Variants in STXBP5L observed in about 807,000 individuals in gnomAD.
The protein encoded by STXBP5L is syntaxin-binding protein 5-like.
In STXBP5L, 65 loss-of-function variants were observed where a neutral mutation model predicts 144.5. That is an observed-to-expected ratio of 0.45 (90% confidence interval 0.37 to 0.55). The LOEUF is 0.55. STXBP5L is among the 20% of genes least tolerant of loss of function. The probability of loss-of-function intolerance (pLI) is 0.00; values close to 1 mark genes in which losing one functional copy is unlikely to be tolerated. For synonymous variants in STXBP5L, 505 were observed against 469.6 expected, an observed-to-expected ratio of 1.08 and a Z score of -0.97; for missense variants, 1,298 against 1,405.5, an observed-to-expected ratio of 0.92 and a Z score of 1.22.
chr3:121,253,659 GCT>G (rs1206123565), intron 15 of STXBP5L, among the ~76,000 whole-genome samples: 3 of 142,708 alleles, frequency 2.1e-5, no homozygotes, highest in African/African-American at 7.5e-5. Context: ...ACGGAGTCTC[GCT>G]CTGTCTGCCC....
intron 6 of STXBP5L, among the ~76,000 whole-genome samples, chr3:121,117,232 ATG>A (rs2044270668): frequency 3.3e-5 from 2 of 59,950 alleles, no homozygotes; most frequent in Non-Finnish European, 8.1e-5. Flanking sequence ...TAATATACAC[ATG>A]ATTCAGCATT....
At chr3:121,128,625 T>A (rs1216071798) in intron 7 of STXBP5L, among the ~76,000 whole-genome samples, 1 of 152,074 alleles carries the variant, frequency 6.6e-6, no homozygotes, top group Admixed American at 6.6e-5. Flanking sequence ...CATCTGGCAA[T>A]ATGGGCTTAA....
intron 19 of STXBP5L, among the ~76,000 whole-genome samples, chr3:121,295,671 T>C (rs142235119): frequency 2.6e-5 from 4 of 152,262 alleles, no homozygotes; most frequent in Admixed American, 1.3e-4. Flanking sequence ...AGGAATAACA[T>C]TGTACCCCAG....
At position 121,294,034 on chromosome 3, in the gene STXBP5L, G is replaced by A. The variant is rs141585833; in HGVS notation, c.2110+14078G>A. Among the ~76,000 whole-genome samples the A allele has an allele frequency of 9.8e-5, 15 of 152,322 alleles. No homozygotes were observed. In the East Asian group the frequency reaches 2.9e-3, roughly 29 times the overall value. On this transcript the variant is annotated intron_variant, in intron 19 of 26. Coordinates refer to ENST00000471454, the MANE Select transcript of STXBP5L (RefSeq NM_001308330.2). Reference sequence around the variant, plus strand: ...GGACAAGATCATAAAAGCTTCTGAAGTAATTACAAGAAATTATATTTTAAT... The same window carrying A: ...GGACAAGATCATAAAAGCTTCTGAAATAATTACAAGAAATTATATTTTAAT...
At chr3:121,406,677 A>G (rs977784604) in intron 22 of STXBP5L, among the ~76,000 whole-genome samples, 3 of 152,048 alleles carry the variant, frequency 2.0e-5, no homozygotes, top group African/African-American at 7.2e-5. Flanking sequence ...TTTTCATACA[A>G]TTAAAATTGC....
intron 9 of STXBP5L, among the ~76,000 whole-genome samples, chr3:121,187,250 A>C (rs1339978471): frequency 6.6e-6 from 1 of 152,124 alleles, no homozygotes; most frequent in Non-Finnish European, 1.5e-5. Context: ...TGTCCTTTGT[A>C]GGGACATGGA....
At chr3:121,127,961 A>T (rs2044788937) in intron 7 of STXBP5L, among the ~76,000 whole-genome samples, 1 of 152,022 alleles carries the variant, frequency 6.6e-6, no homozygotes, top group South Asian at 2.1e-4. Flanking sequence ...CTCCAGTATC[A>T]TTACATCCAG....
chr3:121,253,895 C>T (rs1285240495), intron 15 of STXBP5L, among the ~76,000 whole-genome samples: 1 of 150,156 alleles, frequency 6.7e-6, no homozygotes, highest in African/African-American at 2.5e-5. Context: ...CCTGGTGATC[C>T]GCCCACCTCG....
chr3:120,988,479 A>G (rs918745277), intron 3 of STXBP5L, among the ~76,000 whole-genome samples: 2 of 151,672 alleles, frequency 1.3e-5, no homozygotes, highest in Admixed American at 6.6e-5. Flanking sequence ...CTTCACCTCA[A>G]TTGTTTTAAA....
rs148258414 is a variant in STXBP5L, at chr3:121,395,844, C to T, written c.2588-11399C>T. 9.7e-3 allele frequency among the ~76,000 whole-genome samples: 1,477 copies of T among 152,224 alleles called. 23 individuals carry two copies. The highest frequency in any genetic ancestry group is 0.034 in the African/African-American group (1,404 of 41,532). ...CTGTCCCCAGGTGGGTGGCTGTGTT[C>T]GACAGGTGTTGCTTGTGACAGTTGG... On this transcript the variant is annotated intron_variant, in intron 22 of 26. Transcript: ENST00000471454.
At chr3:121,191,433 G>T (rs1165991920) in intron 9 of STXBP5L, among the ~76,000 whole-genome samples, 3 of 152,174 alleles carry the variant, frequency 2.0e-5, no homozygotes, top group Non-Finnish European at 4.4e-5. Context: ...CAGGCATTCG[G>T]CAGGCTGAGG....
chr3:121,190,541 C>T (rs2047602347), intron 9 of STXBP5L, among the ~76,000 whole-genome samples: 1 of 152,362 alleles, frequency 6.6e-6, no homozygotes, highest in African/African-American at 2.4e-5. Context: ...CCATCGTCAT[C>T]ATGGCCCCTT....
chr3:121,052,642 T>C (rs970759128), intron 5 of STXBP5L, among the ~76,000 whole-genome samples: 2 of 152,094 alleles, frequency 1.3e-5, no homozygotes, highest in Admixed American at 6.6e-5. Context: ...CAATATCATA[T>C]TGAATGGGCA....
At chr3:121,079,226 A>G (rs1434475433) in intron 5 of STXBP5L, among the ~76,000 whole-genome samples, 3 of 152,262 alleles carry the variant, frequency 2.0e-5, no homozygotes, top group Non-Finnish European at 4.4e-5. Flanking sequence ...CTACTTTTAA[A>G]CATCTTAAGG....
intron 9 of STXBP5L, among the ~76,000 whole-genome samples, chr3:121,161,689 A>G (rs952607206): frequency 7.9e-5 from 12 of 152,044 alleles, no homozygotes; most frequent in Non-Finnish European, 1.5e-4. Context: ...ATGATTTCAA[A>G]TATGTATTTA....
chr3:120,966,133 T>C (rs1939542173), intron 3 of STXBP5L, among the ~76,000 whole-genome samples: 1 of 152,182 alleles, frequency 6.6e-6, no homozygotes, highest in Non-Finnish European at 1.5e-5. Flanking sequence ...CTCCATCAGG[T>C]CATTTAAGGT....
chr3:121,308,964 C>T (rs1577417466), intron 19 of STXBP5L, among the ~76,000 whole-genome samples: 2 of 151,894 alleles, frequency 1.3e-5, no homozygotes, highest in Admixed American at 1.3e-4. Context: ...ACAGTAAGTT[C>T]TAATGTATAC....
intron 3 of STXBP5L, among the ~76,000 whole-genome samples, chr3:120,959,456 C>G (rs1379476060): frequency 6.6e-6 from 1 of 152,160 alleles, no homozygotes; most frequent in African/African-American, 2.4e-5. Context: ...CAATCCTAAG[C>G]CAACAGAACA....
chr3:121,335,219 A>G (rs2044464265), intron 20 of STXBP5L, among the ~76,000 whole-genome samples: 1 of 152,218 alleles, frequency 6.6e-6, no homozygotes, highest in African/African-American at 2.4e-5. Flanking sequence ...TGCCACAAAA[A>G]GAATAAAATA....
Sources: gnomAD v4.1 joint callset for allele counts (sites outside exome capture counted in the v4.1 genomes callset) on GRCh38, gnomAD v4.1.1 for gene constraint, MANE v1.5 for transcripts, NCBI Gene and HGNC (gene_info 2026-07-23, HGNC 2026-07-21) for gene names.